Variants in DNAH7 observed in about 807,000 individuals in gnomAD.
The protein encoded by DNAH7 is dynein axonemal heavy chain 7, also known as axonemal beta dynein heavy chain 7.
A neutral mutation model predicts 444.6 loss-of-function variants in DNAH7; 397 were observed. The observed-to-expected ratio is 0.89, with a 90% CI of 0.82 to 0.97. DNAH7 has a LOEUF of 0.97. Ranked by LOEUF, DNAH7 falls within the 50% of genes least tolerant of loss-of-function variation. The pLI, the probability that DNAH7 is intolerant of heterozygous loss-of-function variation, is 0.00. For missense variants in DNAH7, 4,902 were observed against 4,800.8 expected, an observed-to-expected ratio of 1.02 and a Z score of -0.62; for synonymous variants, 1,636 against 1,624.4, an observed-to-expected ratio of 1.01 and a Z score of -0.17.
intron 15 of DNAH7, among the ~76,000 whole-genome samples, chr2:195,981,477 C>A (rs79997271): frequency 6.6e-6 from 1 of 151,110 alleles, no homozygotes; most frequent in Non-Finnish European, 1.5e-5. Context: ...AAAATTTATA[C>A]GAAACCGCAA....
intron 46 of DNAH7, among the ~76,000 whole-genome samples, chr2:195,850,291 A>C (rs1327157104): frequency 6.6e-6 from 1 of 150,974 alleles, no homozygotes; most frequent in Non-Finnish European, 1.5e-5. Context: ...TCATGAAAAA[A>C]AAAAAAGGGG....
At chr2:196,064,180 T>A (rs137944244) in intron 1 of DNAH7, among the ~76,000 whole-genome samples, 7,085 of 151,988 alleles carry the variant, frequency 0.047, 234 homozygotes, top group Non-Finnish European at 0.073. Flanking sequence ...CTGGGCGTAG[T>A]GGCGGGTGCC....
chr2:195,742,667 C>T (rs2105879612), intron 63 of DNAH7, among the ~76,000 whole-genome samples: 1 of 152,210 alleles, frequency 6.6e-6, no homozygotes. Flanking sequence ...TGAGTGATGC[C>T]CTTTGCCATC....
chr2:195,930,179 C>G (rs943316886), intron 21 of DNAH7, among the ~76,000 whole-genome samples: 1 of 152,104 alleles, frequency 6.6e-6, no homozygotes, highest in Non-Finnish European at 1.5e-5. Context: ...CACGTCTCTA[C>G]TAAAAATACA....
At chr2:196,031,282 C>G (rs1266661544) in intron 5 of DNAH7, among the ~76,000 whole-genome samples, 8 of 152,218 alleles carry the variant, frequency 5.3e-5, no homozygotes, top group Admixed American at 5.2e-4. Context: ...CACAGGGTAC[C>G]AAGTCCCTAG....
chr2:195,884,490 G>C, intron 35 of DNAH7, 95 bp downstream of exon 35: 1 of 847,100 alleles, frequency 1.2e-6, no homozygotes, highest in Non-Finnish European at 1.9e-6. Context: ...GGTAAATAGT[G>C]ATGATGAAGG....
chr2:196,060,623 A>C (rs1272843195), intron 1 of DNAH7, among the ~76,000 whole-genome samples: 2 of 152,220 alleles, frequency 1.3e-5, no homozygotes, highest in African/African-American at 4.8e-5. Context: ...TTAAAATCCC[A>C]TCAGAAAAAG....
chr2:196,017,198 A>G (rs1405309673), intron 9 of DNAH7, among the ~76,000 whole-genome samples: 1 of 152,060 alleles, frequency 6.6e-6, no homozygotes, highest in Non-Finnish European at 1.5e-5. Flanking sequence ...TATTTTTAGT[A>G]AAGACGAGGT....
At chr2:195,875,352 C>T (rs1413237084) in intron 38 of DNAH7, among the ~76,000 whole-genome samples, 1 of 151,752 alleles carries the variant, frequency 6.6e-6, no homozygotes, top group Non-Finnish European at 1.5e-5. Context: ...AAATTGGGAG[C>T]AAAAATTCCA....
rs1229926821 is a variant in DNAH7, at chr2:195,987,171, T to C, written c.1649A>G (p.Glu550Gly). 1.9e-6 allele frequency: 3 copies of C among 1,600,440 alleles called. No individual in the cohort carries two copies. The highest frequency in any genetic ancestry group is 3.5e-5 in the Admixed American group (2 of 57,064). The change falls in exon 14 of 65, where the codon GAA becomes GGA. Residue 550 changes from glutamate to glycine, a missense_variant. Physicochemically the swap from Glu to Gly is moderately conservative, Grantham distance 98. Transcript: ENST00000312428. ...TCTGATTAATTCCTCACAGTGCATT[T>C]CAAACATTCCTAAACGAATAGTCTG... The part of the protein sequence containing the change: ...SIKTIRLGMF[E>G]MHCEELIRAL...
Position 195,808,696 on chromosome 2 carries a change from C to T in DNAH7, c.10069G>A (p.Val3357Ile), listed in dbSNP as rs753405511. Reference sequence around the variant, plus strand: ...TTAAAACATACCAAACTATCATATACTTTCTTCCATCCATCCTTTAAGCGC... The same window carrying T: ...TTAAAACATACCAAACTATCATATATTTTCTTCCATCCATCCTTTAAGCGC... ...FMRLKDGWKK[V>I]YDSLEPHHEV... Residue 3357 changes from valine (V) to isoleucine (I), a missense_variant, in exon 53 of 65, where the codon GTA becomes ATA. Physicochemically the swap from Val to Ile is conservative, Grantham distance 29. Coordinates refer to ENST00000312428, the MANE Select transcript of DNAH7 (RefSeq NM_018897.3). The T allele has an allele frequency of 6.2e-7, 1 of 1,613,906 alleles. No homozygotes were observed. Among genetic ancestry groups the T allele is most frequent in the Non-Finnish European group, 8.5e-7 (1 of 1,179,914 alleles).
chr2:195,968,695 C>T (rs1691646700), intron 17 of DNAH7, among the ~76,000 whole-genome samples: 1 of 152,172 alleles, frequency 6.6e-6, no homozygotes, highest in Non-Finnish European at 1.5e-5. Flanking sequence ...TCAGGGCTTG[C>T]CTAAGAATTC....
In DNAH7 at chr2:196,068,783, A is replaced by G; in HGVS notation, c.-72T>C. 6.5e-7 allele frequency: 1 copy of G among 1,536,158 alleles called. No homozygotes were observed. The highest frequency in any genetic ancestry group is 8.8e-7 in the Non-Finnish European group (1 of 1,137,962). On this transcript the variant is annotated 5_prime_UTR_variant, in exon 1 of 65. Coordinates refer to ENST00000312428, the MANE Select transcript of DNAH7 (RefSeq NM_018897.3). ...GCCCGCGGAACCCCTAGGACGATAGAGGCAGGGCCCCGGGACTTGCAGCGG... is the reference window on the plus strand; with the variant it reads ...GCCCGCGGAACCCCTAGGACGATAGGGGCAGGGCCCCGGGACTTGCAGCGG...
Position 195,787,036 on chromosome 2 carries a change from G to T in DNAH7, c.10852C>A (p.Leu3618Ile), listed in dbSNP as rs1016960574. ...ETDLRISVQQLHMFLNQYEEL... is the reference protein window; with the variant it reads ...ETDLRISVQQIHMFLNQYEEL... ...TCATACTGGTTCAGGAACATGTGGAGCTGCTGTACGCTGATTCTCAGATCT... is the reference window on the plus strand; with the variant it reads ...TCATACTGGTTCAGGAACATGTGGATCTGCTGTACGCTGATTCTCAGATCT... The change falls in exon 58 of 65, where the codon CTC (leucine) becomes ATC (isoleucine). Residue 3618 changes from leucine to isoleucine, a missense_variant. Physicochemically the swap from Leu to Ile is conservative, Grantham distance 5. Coordinates refer to ENST00000312428, the MANE Select transcript of DNAH7 (RefSeq NM_018897.3). 3.4e-5 allele frequency: 54 copies of T among 1,598,180 alleles called. No individual in the cohort carries two copies. The highest frequency in any genetic ancestry group is 4.4e-5 in the Non-Finnish European group (52 of 1,175,264).
chr2:196,039,021 C>T (rs899219284), intron 5 of DNAH7, among the ~76,000 whole-genome samples: 1 of 152,238 alleles, frequency 6.6e-6, no homozygotes, highest in East Asian at 1.9e-4. Context: ...GCACTGTAGA[C>T]CAAATGGACC....
At position 195,816,775 on chromosome 2, in the gene DNAH7, G is replaced by A; in HGVS notation, c.9614C>T (p.Pro3205Leu). 1 of 1,614,152 alleles carries A rather than the reference G, an allele frequency of 6.2e-7. No homozygotes were observed. ...TAGGATGGAAGAATGGATGGCAATA[G>A]GACGATAGCCCATGCGGGTGGTGTC... is the stretch of plus-strand genomic sequence containing the variant. ...KIDTTRMGYR[P>L]IAIHSSILFF... The change falls in exon 51 of 65, where the codon CCT becomes CTT. Residue 3205 changes from proline to leucine, a missense_variant. Coordinates refer to ENST00000312428, the MANE Select transcript of DNAH7 (RefSeq NM_018897.3).
At chr2:195,804,975 G>A (rs893943821) in intron 54 of DNAH7, among the ~76,000 whole-genome samples, 1 of 152,036 alleles carries the variant, frequency 6.6e-6, no homozygotes, top group Admixed American at 6.6e-5. Flanking sequence ...AACCTCCAAT[G>A]ATTTAAAAAC....
At chr2:195,810,518 C>T (rs1459560715) in intron 51 of DNAH7, among the ~76,000 whole-genome samples, 2 of 152,136 alleles carry the variant, frequency 1.3e-5, no homozygotes, top group Admixed American at 6.5e-5. Flanking sequence ...CTCAAGCCAT[C>T]CTCCTGCCTC....
intron 46 of DNAH7, among the ~76,000 whole-genome samples, chr2:195,848,432 C>T (rs1236302886): frequency 6.6e-6 from 1 of 152,190 alleles, no homozygotes; most frequent in Non-Finnish European, 1.5e-5. Flanking sequence ...TCTGATGACA[C>T]TTTGATGTTC....
Sources: gnomAD v4.1 joint callset for allele counts (sites outside exome capture counted in the v4.1 genomes callset) on GRCh38, gnomAD v4.1.1 for gene constraint, MANE v1.5 for transcripts, NCBI Gene and HGNC (gene_info 2026-07-23, HGNC 2026-07-21) for gene names.